ENOX2: variants seen among roughly 807,000 people sequenced by gnomAD.
ENOX2 encodes the protein APK1 antigen.
In ENOX2, 36 loss-of-function variants were observed where a neutral mutation model predicts 45.0. The ratio of observed to expected loss-of-function variants is 0.80; its 90% confidence interval spans 0.61 to 1.06. ENOX2 has a LOEUF of 1.06. ENOX2 is among the 50% of genes least tolerant of loss of function. The pLI, the probability that ENOX2 is intolerant of heterozygous loss-of-function variation, is 0.00. For synonymous variants in ENOX2, 174 were observed against 152.3 expected, an observed-to-expected ratio of 1.14 and a Z score of -1.05; for missense variants, 423 against 462.5, an observed-to-expected ratio of 0.91 and a Z score of 0.78.
In ENOX2 at chrX:130,686,464, T is replaced by C. The variant is rs1003448351; in HGVS notation, c.253+2399A>G. On this transcript the variant is annotated intron_variant, in intron 5 of 14. Transcript: ENST00000394363. The stretch of plus-strand genomic sequence containing the variant: ...GAAGCAGAAGCCACTATGCTTCCTG[T>C]ACAGCCTGCAGAACCATAAGCCAAT... Among the ~76,000 whole-genome samples the C allele has an allele frequency of 8.9e-5, 10 of 111,824 alleles. No individual in the cohort carries two copies. In the South Asian group the frequency reaches 3.9e-3, roughly 43 times the overall value.
intron 6 of ENOX2, among the ~76,000 whole-genome samples, chrX:130,671,802 T>G (rs1010564218): frequency 1.8e-5 from 2 of 111,603 alleles, no homozygotes; most frequent in Admixed American, 9.5e-5. Flanking sequence ...GAACAAAGCT[T>G]AAGAAGCAAG....
In ENOX2 at chrX:130,632,217, C is replaced by G. The variant is rs1009691828; in HGVS notation, c.1420-641G>C. ...AAATAAAAATTAGAGCTTTCATTTA[C>G]TAGTCTTTCTCTCTCTCTGATGAGG... On this transcript the variant is annotated intron_variant, in intron 12 of 14. Coordinates refer to ENST00000394363, the MANE Select transcript of ENOX2 (RefSeq NM_006375.4). Among the ~76,000 whole-genome samples the G allele has an allele frequency of 2.7e-5, 3 of 110,766 alleles. No homozygotes were observed. In the Admixed American group the frequency reaches 2.9e-4, roughly 11 times the overall value.
chrX:130,902,812 G>A (rs1422719189), intron 1 of ENOX2, among the ~76,000 whole-genome samples: 1 of 90,834 alleles, frequency 1.1e-5, no homozygotes, highest in Non-Finnish European at 2.2e-5. Context: ...GGGCGAGTTG[G>A]ACCAAAAAAA....
chrX:130,884,423 A>G (rs1448573213), intron 2 of ENOX2, among the ~76,000 whole-genome samples: 1 of 111,775 alleles, frequency 8.9e-6, no homozygotes, highest in East Asian at 2.8e-4. Context: ...CAAATGCTGA[A>G]GAAGAGTTGT....
chrX:130,816,873 C>A (rs1344927574), intron 2 of ENOX2, among the ~76,000 whole-genome samples: 1 of 111,300 alleles, frequency 9.0e-6, no homozygotes, highest in Non-Finnish European at 1.9e-5. Context: ...CAAGAGCAAA[C>A]AAATTCAAAA....
intron 2 of ENOX2, among the ~76,000 whole-genome samples, chrX:130,858,103 T>C (rs1303965183): frequency 2.8e-5 from 3 of 108,101 alleles, no homozygotes; most frequent in African/African-American, 1.0e-4. Context: ...TACCTAATCA[T>C]GGGCTTTTTC....
At chrX:130,809,288 C>T (rs975929697) in intron 2 of ENOX2, among the ~76,000 whole-genome samples, 36 of 112,340 alleles carry the variant, frequency 3.2e-4, no homozygotes, top group African/African-American at 1.1e-3. Flanking sequence ...GAACCAGTCA[C>T]CACAATTTTA....
chrX:130,763,854 A>G (rs1055854366), intron 3 of ENOX2, among the ~76,000 whole-genome samples: 3 of 110,404 alleles, frequency 2.7e-5, no homozygotes, highest in African/African-American at 9.9e-5. Context: ...GGGAGTGGGT[A>G]GGAGTAGGAC....
intron 5 of ENOX2, among the ~76,000 whole-genome samples, chrX:130,682,895 T>G (rs1418279353): frequency 9.0e-6 from 1 of 111,618 alleles, no homozygotes; most frequent in Non-Finnish European, 1.9e-5. Context: ...GGCCTGATTT[T>G]CTAATCCCAC....
intron 2 of ENOX2, among the ~76,000 whole-genome samples, chrX:130,849,836 A>T (rs1489745504): frequency 9.0e-6 from 1 of 111,642 alleles, no homozygotes; most frequent in Non-Finnish European, 1.9e-5. Context: ...TATTCAAAAG[A>T]CAACTTACAG....
At chrX:130,863,473 T>C (rs2078442359) in intron 2 of ENOX2, among the ~76,000 whole-genome samples, 1 of 112,558 alleles carries the variant, frequency 8.9e-6, no homozygotes, top group Non-Finnish European at 1.9e-5. Flanking sequence ...TTTTCTCTCT[T>C]GCCTTAATCC....
intron 2 of ENOX2, among the ~76,000 whole-genome samples, chrX:130,879,178 T>C (rs928671690): frequency 9.0e-6 from 1 of 111,668 alleles, no homozygotes; most frequent in Non-Finnish European, 1.9e-5. Flanking sequence ...GCCAACCATG[T>C]TTGGCAGCAA....
intron 2 of ENOX2, among the ~76,000 whole-genome samples, chrX:130,846,738 G>A (rs937095139): frequency 2.7e-5 from 3 of 112,635 alleles, no homozygotes; most frequent in Non-Finnish European, 5.6e-5. Flanking sequence ...CACATTTTCG[G>A]TACAAAGTGA....
At chrX:130,719,944 A>G (rs1569492867) in intron 3 of ENOX2, among the ~76,000 whole-genome samples, 1 of 112,273 alleles carries the variant, frequency 8.9e-6, no homozygotes. Flanking sequence ...AAAAGGGTAA[A>G]AATTAGACTT....
chrX:130,719,878 A>C (rs2038430254), intron 3 of ENOX2, among the ~76,000 whole-genome samples: 1 of 112,314 alleles, frequency 8.9e-6, no homozygotes, highest in Non-Finnish European at 1.9e-5. Flanking sequence ...TTCTATCTTT[A>C]AAAAGAATAA....
intron 5 of ENOX2, among the ~76,000 whole-genome samples, chrX:130,681,881 A>T (rs1304983902): frequency 9.0e-6 from 1 of 111,119 alleles, no homozygotes; most frequent in Admixed American, 9.5e-5. Context: ...GGTAGCTAAG[A>T]CCTGAACTTC....
intron 2 of ENOX2, among the ~76,000 whole-genome samples, chrX:130,834,431 CT>C (rs1221264204): frequency 1.8e-5 from 2 of 111,855 alleles, no homozygotes; most frequent in Non-Finnish European, 3.8e-5. Context: ...TTAACCTTTA[CT>C]TCCTGCTTAC....
intron 4 of ENOX2, among the ~76,000 whole-genome samples, chrX:130,691,272 T>C (rs2037589148): frequency 8.9e-6 from 1 of 111,977 alleles, no homozygotes; most frequent in Non-Finnish European, 1.9e-5. Flanking sequence ...ACAGAACAGA[T>C]ATGAAGACCT....
chrX:130,706,723 C>T (rs994736081), intron 3 of ENOX2, among the ~76,000 whole-genome samples: 4 of 111,915 alleles, frequency 3.6e-5, no homozygotes, highest in Non-Finnish European at 7.5e-5. Context: ...TATACAATGA[C>T]ACCCATTGAT....
Sources: allele counts gnomAD v4.1 joint callset (sites outside exome capture counted in the v4.1 genomes callset), GRCh38; gene constraint gnomAD v4.1.1; transcripts MANE v1.5; gene names NCBI Gene and HGNC (gene_info 2026-07-23, HGNC 2026-07-21).